The following TTC39B variants were observed in gnomAD, a reference collection of about 807,000 sequenced individuals.
TTC39B encodes tetratricopeptide repeat protein 39B.
In TTC39B, 92 loss-of-function variants were observed where a neutral mutation model predicts 96.6. The ratio of observed to expected loss-of-function variants is 0.95; its 90% CI spans 0.80 to 1.13. TTC39B has a LOEUF of 1.13. Among genes scored for constraint, TTC39B ranks in the 50% most tolerant of loss-of-function variants. The probability of loss-of-function intolerance (pLI) is 0.00; values close to 1 mark genes in which losing one functional copy is unlikely to be tolerated. For synonymous variants in TTC39B, 367 were observed against 299.4 expected (o/e 1.23, Z -2.33); for missense variants, 955 against 809.3 (o/e 1.18, Z -2.18).
intron 1 of TTC39B, among the ~76,000 whole-genome samples, chr9:15,271,048 A>T (rs773752396): frequency 6.6e-6 from 1 of 150,796 alleles, no homozygotes; most frequent in African/African-American, 2.5e-5. Flanking sequence ...CAGTGAAGAA[A>T]CTGGGGTTCA....
chr9:15,218,632 T>TAAAAAAAAAATA lies in TTC39B; in HGVS notation c.372-4384_372-4383insTATTTTTTTTTT, dbSNP rs545882970. ...GGCAGGATGAATTTTTTAGTCTATT[T>TAAAAAAAAAATA]TAAATATATATATATAATGAACACA... On this transcript the variant is annotated intron_variant, in intron 3 of 19. Transcript: ENST00000512701. 7.4e-3 allele frequency among the ~76,000 whole-genome samples: 780 copies of TAAAAAAAAAATA among 105,132 alleles called. 8 individuals are homozygous for TAAAAAAAAAATA. Among genetic ancestry groups the TAAAAAAAAAATA allele is most frequent in the African/African-American group, 0.021 (588 of 28,118 alleles). 69.0% of individuals were successfully genotyped at this position (105,132 alleles called of 152,430 possible).
intron 13 of TTC39B, 136 bp downstream of exon 13, chr9:15,189,438 C>T: frequency 1.2e-6 from 1 of 837,006 alleles, no homozygotes; most frequent in Non-Finnish European, 1.8e-6. Context: ...TGGCTTTTTA[C>T]TTATATATTT....
rs548794190 is a variant in TTC39B at position 15,208,318 on chromosome 9, C to T, written c.691+1770G>A. Among the ~76,000 whole-genome samples the T allele has an allele frequency of 1.2e-3, 177 of 151,972 alleles. 1 individual carries two copies. Among genetic ancestry groups the T allele is most frequent in the African/African-American group, 2.5e-3 (103 of 41,458 alleles). On this transcript the variant is annotated intron_variant, in intron 6 of 19. Coordinates refer to ENST00000512701, the Ensembl canonical transcript of TTC39B. ...GATTACAGGTGTGAGCCACCACACC[C>T]GGCCAAATTATTATTATTATTTATA...
chr9:15,303,472 G>A (rs1824664303), intron 1 of TTC39B, among the ~76,000 whole-genome samples: 1 of 151,276 alleles, frequency 6.6e-6, no homozygotes, highest in South Asian at 2.1e-4. Context: ...CTAGGCTCAA[G>A]TGATCCTCCC....
At chr9:15,168,786 TG>T (rs1409353619) in exon 20 of TTC39B, 1 of 150,684 alleles carries the variant, frequency 6.6e-6, no homozygotes, top group Non-Finnish European at 1.5e-5. Flanking sequence ...CACTCCAGCC[TG>T]GGTGACAGAG....
At chr9:15,213,518 G>C (rs62539783) in intron 4 of TTC39B, among the ~76,000 whole-genome samples, 13,185 of 152,120 alleles carry the variant, frequency 0.087, 711 homozygotes, top group Non-Finnish European at 0.13. Flanking sequence ...CGAGATTGCC[G>C]ACTTTTATGC....
intron 11 of TTC39B, 108 bp from the exon 12 acceptor site, chr9:15,189,900 T>C (rs1818758673): frequency 5.6e-6 from 4 of 715,250 alleles, no homozygotes; most frequent in Non-Finnish European, 9.7e-6. Context: ...ATGGAAAAGA[T>C]GAAAACTATT....
chr9:15,201,650 A>G (rs1464681511), intron 7 of TTC39B, among the ~76,000 whole-genome samples: 3 of 152,218 alleles, frequency 2.0e-5, no homozygotes, highest in Admixed American at 2.0e-4. Context: ...CACACTGCTG[A>G]AGAATCTATT....
chr9:15,210,029 G>T, intron 6 of TTC39B, 59 bp downstream of exon 6: 1 of 1,215,186 alleles, frequency 8.2e-7, no homozygotes, highest in South Asian at 1.3e-5. Context: ...GGAATTTTAT[G>T]AGATGATCAT....
chr9:15,233,398 G>C (rs551957667), intron 2 of TTC39B, among the ~76,000 whole-genome samples: 2 of 152,226 alleles, frequency 1.3e-5, no homozygotes, highest in South Asian at 2.1e-4. Flanking sequence ...GTCTCCCTCT[G>C]ATGCCGAGCC....
intron 1 of TTC39B, among the ~76,000 whole-genome samples, chr9:15,300,912 A>AC (rs1449485362): frequency 2.1e-5 from 3 of 144,266 alleles, no homozygotes; most frequent in African/African-American, 5.5e-5. Context: ...AAAAAAAAAA[A>AC]AAAAAACCTT....
intron 3 of TTC39B, among the ~76,000 whole-genome samples, chr9:15,218,772 C>G (rs1820678071): frequency 6.6e-6 from 1 of 152,010 alleles, no homozygotes; most frequent in Non-Finnish European, 1.5e-5. Flanking sequence ...AAATGAGCAT[C>G]TGGGCTCTGG....
intron 1 of TTC39B, among the ~76,000 whole-genome samples, chr9:15,290,027 G>A (rs1480948592): frequency 6.6e-6 from 1 of 152,238 alleles, no homozygotes; most frequent in South Asian, 2.1e-4. Flanking sequence ...TAACACTTGT[G>A]CTTTATCCTA....
Position 15,185,269 on chromosome 9 carries a change from A to G in TTC39B, c.1614+11T>C. 1 of 1,599,628 alleles carries G rather than the reference A, an allele frequency of 6.3e-7. No homozygotes were observed. Among genetic ancestry groups the G allele is most frequent in the Non-Finnish European group, 8.5e-7 (1 of 1,175,230 alleles). On this transcript the variant is annotated intron_variant, in intron 16 of 19. Transcript: ENST00000512701. Reference sequence around the variant, plus strand: ...ATTTCTAGTACATGAAAAGAAAATAAAAGCAGATACCAGGGCAGGTAAGAT... The same window carrying G: ...ATTTCTAGTACATGAAAAGAAAATAGAAGCAGATACCAGGGCAGGTAAGAT...
intron 6 of TTC39B, 128 bp from the exon 7 acceptor site, chr9:15,204,018 C>G (rs753479846): frequency 1.6e-5 from 12 of 730,504 alleles, no homozygotes; most frequent in Non-Finnish European, 2.3e-5. Context: ...TGCCCTTGTG[C>G]TTCCACAAAA....
chr9:15,167,657 CAGG>C (rs1384529598), exon 20 of TTC39B: 1 of 152,240 alleles, frequency 6.6e-6, no homozygotes, highest in Non-Finnish European at 1.5e-5. Context: ...GAGGCTGAGG[CAGG>C]AGAATTGCTT....
intron 3 of TTC39B, among the ~76,000 whole-genome samples, chr9:15,214,542 G>A (rs953746232): frequency 2.0e-5 from 3 of 152,144 alleles, no homozygotes; most frequent in Non-Finnish European, 4.4e-5. Flanking sequence ...TAATAGCAGT[G>A]CAAAATAACT....
intron 2 of TTC39B, among the ~76,000 whole-genome samples, chr9:15,231,036 T>C (rs1821393759): frequency 6.6e-6 from 1 of 152,098 alleles, no homozygotes; most frequent in African/African-American, 2.4e-5. Context: ...TTTTCATTTC[T>C]CTTAATTATA....
chr9:15,297,166 G>A (rs994231147), intron 1 of TTC39B, among the ~76,000 whole-genome samples: 2 of 152,162 alleles, frequency 1.3e-5, no homozygotes, highest in Non-Finnish European at 2.9e-5. Flanking sequence ...CACCACGCCT[G>A]AGGAGCGCAG....
Sources: gnomAD v4.1 joint callset for allele counts (sites outside exome capture counted in the v4.1 genomes callset) on GRCh38, gnomAD v4.1.1 for gene constraint, MANE v1.5 for transcripts, NCBI Gene and HGNC (gene_info 2026-07-23, HGNC 2026-07-21) for gene names.